NKAIN2: variants seen among roughly 807,000 people sequenced by gnomAD.
NKAIN2 encodes the protein sodium/potassium-transporting ATPase subunit beta-1-interacting protein 2.
Under a neutral mutation model 32.6 loss-of-function variants are expected in NKAIN2, and 14 were observed. The observed-to-expected ratio is 0.43, with a 90% CI of 0.28 to 0.67. The LOEUF (loss-of-function observed/expected upper bound fraction) is 0.67. NKAIN2 is among the 30% of genes least tolerant of loss of function. NKAIN2 has a pLI of 0.17. For missense variants in NKAIN2, 198 were observed against 258.3 expected, an observed-to-expected ratio of 0.77 and a Z score of 1.60; for synonymous variants, 80 against 87.2, an observed-to-expected ratio of 0.92 and a Z score of 0.46.
intron 1 of NKAIN2, among the ~76,000 whole-genome samples, chr6:123,823,903 A>G (rs1274918051): frequency 1.3e-5 from 2 of 152,118 alleles, no homozygotes; most frequent in African/African-American, 2.4e-5. Context: ...GGAAAAATCA[A>G]TGTGAAGGAC....
intron 4 of NKAIN2, among the ~76,000 whole-genome samples, chr6:124,776,926 C>T (rs749154607): frequency 6.6e-6 from 1 of 151,956 alleles, no homozygotes; most frequent in Admixed American, 6.6e-5. Flanking sequence ...TCATCTTAGT[C>T]GTAGCATATT....
chr6:124,740,423 CAT>C (rs531209062), intron 4 of NKAIN2, among the ~76,000 whole-genome samples: 4 of 138,992 alleles, frequency 2.9e-5, no homozygotes, highest in Admixed American at 1.5e-4. Flanking sequence ...AGAAGATTAA[CAT>C]ATATATATAT....
Position 124,304,683 on chromosome 6 carries a change from A to G in NKAIN2, c.192+21541A>G, listed in dbSNP as rs183705455. Among the ~76,000 whole-genome samples, 547 of 152,298 alleles carry G rather than the reference A, an allele frequency of 3.6e-3. 2 individuals are homozygous for G. The highest frequency in any genetic ancestry group is 6.0e-3 in the Non-Finnish European group (410 of 68,004). ...GTAATCCCAGCACTTTGGGAGGCCA[A>G]GGTGGGGGGATCATGAGGTCAGAAG... On this transcript the variant is annotated intron_variant, in intron 2 of 6. Transcript: ENST00000368417.
chr6:124,074,177 A>C (rs918600137), intron 1 of NKAIN2, among the ~76,000 whole-genome samples: 11 of 152,168 alleles, frequency 7.2e-5, no homozygotes, highest in Non-Finnish European at 1.5e-4. Flanking sequence ...CAGGGATGAA[A>C]TGTTGCCCAC....
At chr6:124,507,135 A>C (rs1273834059) in intron 3 of NKAIN2, among the ~76,000 whole-genome samples, 1 of 152,252 alleles carries the variant, frequency 6.6e-6, no homozygotes, top group African/African-American at 2.4e-5. Context: ...ACAGATTACC[A>C]AATTTCACTT....
chr6:124,154,769 T>C (rs802257), intron 1 of NKAIN2, among the ~76,000 whole-genome samples: 132,038 of 151,954 alleles, frequency 0.87, 57,663 homozygotes, highest in South Asian at 0.95. Flanking sequence ...TTGGAAATCA[T>C]ATTCTTAACT....
intron 1 of NKAIN2, among the ~76,000 whole-genome samples, chr6:124,103,582 A>C (rs1364334456): frequency 6.6e-6 from 1 of 152,182 alleles, no homozygotes; most frequent in Non-Finnish European, 1.5e-5. Flanking sequence ...AATGCCTTCA[A>C]ATGTATTTGA....
At chr6:123,823,802 T>A (rs1161611762) in intron 1 of NKAIN2, among the ~76,000 whole-genome samples, 1 of 152,046 alleles carries the variant, frequency 6.6e-6, no homozygotes, top group African/African-American at 2.4e-5. Context: ...GGTGAAACAC[T>A]GAAGAGAAAT....
intron 1 of NKAIN2, among the ~76,000 whole-genome samples, chr6:124,198,520 G>C (rs1225516403): frequency 6.6e-6 from 1 of 151,656 alleles, no homozygotes; most frequent in Non-Finnish European, 1.5e-5. Flanking sequence ...AGGAAGCTTT[G>C]AGTGGGTATA....
chr6:123,971,443 T>G (rs1259094751), intron 1 of NKAIN2, among the ~76,000 whole-genome samples: 1 of 152,130 alleles, frequency 6.6e-6, no homozygotes, highest in African/African-American at 2.4e-5. Flanking sequence ...CATACTGCTT[T>G]TTATCATAGC....
intron 1 of NKAIN2, among the ~76,000 whole-genome samples, chr6:124,214,594 C>T (rs1028701339): frequency 6.6e-6 from 1 of 151,906 alleles, no homozygotes. Flanking sequence ...ACTAAAAATA[C>T]AAAAACTAGC....
intron 4 of NKAIN2, among the ~76,000 whole-genome samples, chr6:124,712,080 T>A (rs1281244759): frequency 4.6e-5 from 7 of 151,626 alleles, no homozygotes; most frequent in South Asian, 2.1e-4. Flanking sequence ...CCCTGCCGTG[T>A]GAGGTGTCAG....
At chr6:124,620,003 A>T (rs895937718) in intron 3 of NKAIN2, among the ~76,000 whole-genome samples, 1 of 151,542 alleles carries the variant, frequency 6.6e-6, no homozygotes, top group Non-Finnish European at 1.5e-5. Context: ...CAGGTACTCA[A>T]ATACAACATG....
In NKAIN2 at chr6:123,964,814, G is replaced by A. The variant is rs1778001433; in HGVS notation, c.54+160560G>A. On this transcript the variant is annotated intron_variant, in intron 1 of 6. Coordinates refer to ENST00000368417, the MANE Select transcript of NKAIN2 (RefSeq NM_001040214.3). This position sits in a 1 kb window ranked among gnomAD's most constrained non-coding sequence, Gnocchi z 4.0. ...GCCTTGCATCCATTTCTTACCTCAT[G>A]ATTCGAGCTAAGCATGTTTCCTGGT... Among the ~76,000 whole-genome samples, 1 of 152,002 alleles carries A rather than the reference G, an allele frequency of 6.6e-6. No individual in the cohort carries two copies. Among genetic ancestry groups the A allele is most frequent in the African/African-American group, 2.4e-5 (1 of 41,394 alleles).
chr6:124,105,115 C>T (rs557840841), intron 1 of NKAIN2, among the ~76,000 whole-genome samples: 10 of 152,218 alleles, frequency 6.6e-5, no homozygotes, highest in Non-Finnish European at 1.0e-4. Context: ...ATGATATAGC[C>T]GTGTGTGGCA....
At chr6:124,710,320 G>T (rs569093174) in intron 4 of NKAIN2, among the ~76,000 whole-genome samples, 38 of 152,188 alleles carry the variant, frequency 2.5e-4, no homozygotes, top group African/African-American at 7.0e-4. Context: ...ATTTGGGGTG[G>T]AGAGTTCTGT....
chr6:124,404,250 C>G (rs968883117), intron 3 of NKAIN2, among the ~76,000 whole-genome samples: 6 of 152,104 alleles, frequency 3.9e-5, no homozygotes, highest in African/African-American at 7.2e-5. Context: ...GATTTCTCTA[C>G]TTCTGATTAA....
intron 3 of NKAIN2, among the ~76,000 whole-genome samples, chr6:124,373,729 A>C (rs186445743): frequency 6.6e-6 from 1 of 152,240 alleles, no homozygotes; most frequent in African/African-American, 2.4e-5. Flanking sequence ...AAGGATGATA[A>C]ATTGGATAAG....
chr6:124,776,479 C>T (rs1045596277), intron 4 of NKAIN2, among the ~76,000 whole-genome samples: 4 of 152,210 alleles, frequency 2.6e-5, no homozygotes, highest in East Asian at 1.9e-4. Context: ...ACAGAAAGGT[C>T]GTGAGGAAGT....
Sources: allele counts gnomAD v4.1 joint callset (sites outside exome capture counted in the v4.1 genomes callset), GRCh38; gene constraint gnomAD v4.1.1; non-coding constraint Gnocchi (gnomAD v3.1); transcripts MANE v1.5; gene names NCBI Gene and HGNC (gene_info 2026-07-23, HGNC 2026-07-21).